The following MCTP1 variants were observed in gnomAD, a reference collection of about 807,000 sequenced individuals.
MCTP1 encodes the protein multiple C2 and transmembrane domain containing 1.
A neutral mutation model predicts 120.6 loss-of-function variants in MCTP1; 69 were observed. The ratio of observed to expected loss-of-function variants is 0.57; its 90% CI spans 0.47 to 0.70. The LOEUF (loss-of-function observed/expected upper bound fraction) is 0.70. Among genes scored for constraint, MCTP1 ranks in the 30% least tolerant of loss-of-function variants. MCTP1 has a pLI of 0.00. For synonymous variants in MCTP1, 529 were observed against 493.1 expected (o/e 1.07, Z -0.96); for missense variants, 1,203 against 1,248.8 (o/e 0.96, Z 0.55).
In MCTP1 at chr5:94,706,308, C is replaced by CTACTT. The variant is rs979209602; in HGVS notation, c.*1183_*1187dup. 4 of 151,724 alleles carry CTACTT rather than the reference C, an allele frequency of 2.6e-5. No individual in the cohort carries two copies. The highest frequency in any genetic ancestry group is 7.2e-5 in the African/African-American group (3 of 41,482). The allele number at this position is 151,724 out of a possible 1,614,324, so 9.4% of individuals were successfully genotyped here. On this transcript the variant is annotated 3_prime_UTR_variant, in exon 23 of 23. Coordinates refer to ENST00000515393, the MANE Select transcript of MCTP1 (RefSeq NM_024717.7). ...TATACCAGGGAGTGAGATATAAAAA[C>CTACTT]TACTTTAAGAGTCTTGGGAATGCAA...
intron 17 of MCTP1, among the ~76,000 whole-genome samples, chr5:94,865,173 T>C (rs1192397568): frequency 6.6e-6 from 1 of 151,856 alleles, no homozygotes; most frequent in Non-Finnish European, 1.5e-5. Context: ...TGGCTTTGAC[T>C]CTTCCCTGTG....
intron 1 of MCTP1, among the ~76,000 whole-genome samples, chr5:95,168,380 CTCT>C (rs1746729178): frequency 6.6e-6 from 1 of 152,244 alleles, no homozygotes; most frequent in East Asian, 1.9e-4. Flanking sequence ...GCAATGTGGG[CTCT>C]TTTTTGGTTC....
At chr5:95,020,483 T>A (rs987945375) in intron 1 of MCTP1, among the ~76,000 whole-genome samples, 1 of 152,060 alleles carries the variant, frequency 6.6e-6, no homozygotes, top group Non-Finnish European at 1.5e-5. Flanking sequence ...TAGTCTTTTT[T>A]AAAATGGCAT....
In MCTP1 at chr5:94,851,027, T is replaced by C. The variant is rs1335974468; in HGVS notation, c.2436+17306A>G. On this transcript the variant is annotated intron_variant, in intron 17 of 22. Coordinates refer to ENST00000515393, the MANE Select transcript of MCTP1 (RefSeq NM_024717.7). Reference sequence around the variant, plus strand: ...AAACTATTTCTTCTTTAAGAAAATATTGAATACTTCAGTTCAGAAGCACAG... The same window carrying C: ...AAACTATTTCTTCTTTAAGAAAATACTGAATACTTCAGTTCAGAAGCACAG... 2.6e-5 allele frequency among the ~76,000 whole-genome samples: 4 copies of C among 152,224 alleles called. No individual in the cohort carries two copies. The East Asian group carries it at 5.8e-4, about 22-fold the overall frequency.
intron 5 of MCTP1, among the ~76,000 whole-genome samples, chr5:94,937,537 T>C (rs933505375): frequency 2.0e-5 from 3 of 152,090 alleles, no homozygotes; most frequent in Non-Finnish European, 2.9e-5. Flanking sequence ...AACTTACTAA[T>C]GATCAGCTCC....
At chr5:94,976,620 A>G (rs546804895) in intron 2 of MCTP1, 19 of 152,116 alleles carry the variant, frequency 1.2e-4, no homozygotes, top group African/African-American at 4.6e-4. Flanking sequence ...CTTGTGACAT[A>G]TCTCTCAATA....
intron 1 of MCTP1, among the ~76,000 whole-genome samples, chr5:95,221,829 T>C (rs1263111242): frequency 1.3e-5 from 2 of 152,186 alleles, no homozygotes; most frequent in African/African-American, 4.8e-5. Context: ...CCAAATTCTC[T>C]AATCACTGAA....
At chr5:95,241,235 G>A (rs1246710830) in intron 1 of MCTP1, among the ~76,000 whole-genome samples, 1 of 152,066 alleles carries the variant, frequency 6.6e-6, no homozygotes, top group Non-Finnish European at 1.5e-5. Context: ...ATCCATGTGG[G>A]AAATGTGCAT....
At position 94,970,410 on chromosome 5, in the gene MCTP1, A is replaced by G. The variant is rs184736661; in HGVS notation, c.839-17049T>C. ...ATAACTTATTCAAATTCCCTTTCAT[A>G]TCTGACATAAACAGCAGGTGGTATC... On this transcript the variant is annotated intron_variant, in intron 2 of 22. Coordinates refer to ENST00000515393, the MANE Select transcript of MCTP1 (RefSeq NM_024717.7). Among the ~76,000 whole-genome samples, 42 of 152,206 alleles carry G rather than the reference A, an allele frequency of 2.8e-4. No homozygotes were observed. In the East Asian group the frequency reaches 6.4e-3, roughly 23 times the overall value.
At chr5:94,741,737 G>A (rs1765572794) in intron 19 of MCTP1, among the ~76,000 whole-genome samples, 1 of 152,206 alleles carries the variant, frequency 6.6e-6, no homozygotes, top group Non-Finnish European at 1.5e-5. Context: ...TTTGGATGAG[G>A]AATTTCTGCC....
At chr5:94,815,242 C>A (rs7707642) in intron 17 of MCTP1, among the ~76,000 whole-genome samples, 1 of 152,074 alleles carries the variant, frequency 6.6e-6, no homozygotes, top group Non-Finnish European at 1.5e-5. Flanking sequence ...TCTAGGATAA[C>A]CCCATATCTT....
chr5:94,882,757 T>C (rs141733199), intron 12 of MCTP1, among the ~76,000 whole-genome samples: 1 of 152,274 alleles, frequency 6.6e-6, no homozygotes, highest in Non-Finnish European at 1.5e-5. Context: ...GGACCACCAC[T>C]TTCTCAGCCC....
intron 3 of MCTP1, among the ~76,000 whole-genome samples, chr5:94,947,569 T>TAGAG (rs1561903941): frequency 1.9e-5 from 1 of 51,292 alleles, no homozygotes; most frequent in South Asian, 6.7e-4. Flanking sequence ...TATATATATA[T>TAGAG]ATATATATAG....
intron 1 of MCTP1, among the ~76,000 whole-genome samples, chr5:95,180,202 G>A (rs771584997): frequency 6.6e-6 from 1 of 152,120 alleles, no homozygotes; most frequent in Non-Finnish European, 1.5e-5. Context: ...ACAATAGTGG[G>A]GGACTTGAAT....
chr5:95,010,359 A>G (rs1482372544), intron 2 of MCTP1, among the ~76,000 whole-genome samples: 2 of 152,094 alleles, frequency 1.3e-5, no homozygotes, highest in African/African-American at 4.8e-5. Flanking sequence ...ATTATATTCT[A>G]CATGACTGCA....
chr5:95,175,468 A>G (rs1016485335), intron 1 of MCTP1, among the ~76,000 whole-genome samples: 1 of 152,190 alleles, frequency 6.6e-6, no homozygotes, highest in Non-Finnish European at 1.5e-5. Context: ...TTCCTTCATG[A>G]AGCTATCTTC....
intron 8 of MCTP1, among the ~76,000 whole-genome samples, chr5:94,916,317 C>T (rs530623472): frequency 6.6e-6 from 1 of 152,132 alleles, no homozygotes; most frequent in African/African-American, 2.4e-5. Flanking sequence ...CAATTTCTGG[C>T]TATATGCTTG....
At position 95,207,926 on chromosome 5, in the gene MCTP1, GGC is replaced by G. The variant is rs199923815; in HGVS notation, c.720+75928_720+75929del. Among the ~76,000 whole-genome samples, 492 of 91,372 alleles carry G rather than the reference GGC, an allele frequency of 5.4e-3. 7 individuals are homozygous for G. Among genetic ancestry groups the G allele is most frequent in the African/African-American group, 0.017 (414 of 25,032 alleles). 59.9% of individuals were successfully genotyped at this position (91,372 alleles called of 152,430 possible). On this transcript the variant is annotated intron_variant, in intron 1 of 22. Transcript: ENST00000515393. Reference sequence around the variant, plus strand: ...TCCAAAATGAAAAAAAGAATGAGCGGGCGAGAGAGAGAGAGAGAGAGGGAGAG... The same window carrying G: ...TCCAAAATGAAAAAAAGAATGAGCGGGAGAGAGAGAGAGAGAGAGGGAGAG...
chr5:95,232,777 C>T (rs1269846752), intron 1 of MCTP1, among the ~76,000 whole-genome samples: 1 of 152,122 alleles, frequency 6.6e-6, no homozygotes, highest in Non-Finnish European at 1.5e-5. Flanking sequence ...AAAGATGTAT[C>T]ATGCTAATAC....
Sources: allele counts gnomAD v4.1 joint callset (sites outside exome capture counted in the v4.1 genomes callset), GRCh38; gene constraint gnomAD v4.1.1; transcripts MANE v1.5; gene names NCBI Gene and HGNC (gene_info 2026-07-23, HGNC 2026-07-21).